Variants in FAT3 observed in about 807,000 individuals in gnomAD.
The protein encoded by FAT3 is FAT atypical cadherin 3, also known as protocadherin Fat 3.
A neutral mutation model predicts 310.2 loss-of-function variants in FAT3; 95 were observed. That is an observed-to-expected ratio of 0.31 (90% CI 0.26 to 0.36). The LOEUF (loss-of-function observed/expected upper bound fraction) is 0.36. FAT3 is among the 10% of genes least tolerant of loss of function. The pLI is 1.00. For synonymous variants in FAT3, 2,314 were observed against 2,192.9 expected, an observed-to-expected ratio of 1.06 and a Z score of -1.54; for missense variants, 5,408 against 5,715.6, an observed-to-expected ratio of 0.95 and a Z score of 1.74.
intron 3 of FAT3, among the ~76,000 whole-genome samples, chr11:92,641,415 A>G (rs895532747): frequency 1.3e-5 from 2 of 152,198 alleles, no homozygotes; most frequent in Non-Finnish European, 2.9e-5. Flanking sequence ...ATTCTCTCAC[A>G]GTCCTGGATG....
At chr11:92,285,556 G>A (rs544062134) in intron 1 of FAT3, among the ~76,000 whole-genome samples, 125 of 152,182 alleles carry the variant, frequency 8.2e-4, no homozygotes, top group African/African-American at 2.8e-3. Flanking sequence ...CTCATTTGAG[G>A]GGCAACACAA....
chr11:92,407,032 T>A (rs1950149939), intron 2 of FAT3, among the ~76,000 whole-genome samples: 1 of 152,224 alleles, frequency 6.6e-6, no homozygotes, highest in African/African-American at 2.4e-5. Flanking sequence ...AGAAAGGGGC[T>A]ATGAGAGGCT....
At chr11:92,317,584 T>C (rs2134479666) in intron 1 of FAT3, among the ~76,000 whole-genome samples, 1 of 152,342 alleles carries the variant, frequency 6.6e-6, no homozygotes, top group African/African-American at 2.4e-5. Context: ...GTGAAGTCTA[T>C]TGCAGGTATC....
chr11:92,258,021 G>T (rs939060839), intron 1 of FAT3, among the ~76,000 whole-genome samples: 1 of 151,950 alleles, frequency 6.6e-6, no homozygotes. Flanking sequence ...TGCACCCCCA[G>T]GTATATCCCA....
intron 2 of FAT3, among the ~76,000 whole-genome samples, chr11:92,514,062 T>A (rs1953395734): frequency 6.6e-6 from 1 of 152,184 alleles, no homozygotes; most frequent in Non-Finnish European, 1.5e-5. Context: ...ATCTCAAATA[T>A]TTAGGACTGA....
At position 92,746,922 on chromosome 11, in the gene FAT3, C is replaced by T. The variant is rs1945688536; in HGVS notation, c.3670-14934C>T. On this transcript the variant is annotated intron_variant, in intron 4 of 27. Transcript: ENST00000525166. ...GCTCCCATGGCCTTGAGTAGCTCCA[C>T]TCCTGTGGCTTTGCAGGGTACAGCC... 2.6e-5 allele frequency among the ~76,000 whole-genome samples: 4 copies of T among 152,352 alleles called. No individual in the cohort carries two copies. In the South Asian group the frequency reaches 8.3e-4, roughly 32 times the overall value.
chr11:92,472,909 G>T (rs1324232540), intron 2 of FAT3, among the ~76,000 whole-genome samples: 1 of 152,106 alleles, frequency 6.6e-6, no homozygotes, highest in Non-Finnish European at 1.5e-5. Context: ...ACTCTTATAG[G>T]CCAGTTTTTG....
At position 92,774,810 on chromosome 11, in the gene FAT3, C is replaced by A. The variant is rs77124409; in HGVS notation, c.4335+630C>A. Among the ~76,000 whole-genome samples the A allele has an allele frequency of 5.8e-3, 890 of 152,210 alleles. 7 individuals carry two copies. Among genetic ancestry groups the A allele is most frequent in the African/African-American group, 0.02 (851 of 41,540 alleles). On this transcript the variant is annotated intron_variant, in intron 7 of 27. Transcript: ENST00000525166. ...ATCCTGTGTGATTCTGACATGCAGC[C>A]AGGGTCGAGGACCGCTCCTTATACT...
At chr11:92,363,514 C>T (rs1249314718) in intron 2 of FAT3, among the ~76,000 whole-genome samples, 29 of 152,138 alleles carry the variant, frequency 1.9e-4, no homozygotes, top group Admixed American at 1.9e-3. Context: ...ACTTCTTTTT[C>T]CCAAACTTGC....
chr11:92,856,772 C>G (rs1315712636), intron 19 of FAT3, among the ~76,000 whole-genome samples: 1 of 151,990 alleles, frequency 6.6e-6, no homozygotes, highest in Admixed American at 6.6e-5. Context: ...AATCAACCTC[C>G]AAGTTCTTGA....
intron 3 of FAT3, among the ~76,000 whole-genome samples, chr11:92,669,800 T>C (rs1022408641): frequency 1.3e-5 from 2 of 152,182 alleles, no homozygotes; most frequent in Non-Finnish European, 2.9e-5. Flanking sequence ...CTGCTGCTCC[T>C]AATCCATAAA....
At chr11:92,344,113 G>T (rs1948346566) in intron 1 of FAT3, among the ~76,000 whole-genome samples, 1 of 152,090 alleles carries the variant, frequency 6.6e-6, no homozygotes, top group South Asian at 2.1e-4. Flanking sequence ...ATGCACCATG[G>T]AACTTCATTT....
In FAT3 at chr11:92,226,575, CA is replaced by C. The variant is rs145297445; in HGVS notation, c.-18+1404del. Among the ~76,000 whole-genome samples the C allele has an allele frequency of 1.0e-3, 158 of 151,922 alleles. 3 individuals carry two copies. In the East Asian group the frequency reaches 0.016, roughly 16 times the overall value. On this transcript the variant is annotated intron_variant, in intron 1 of 27. Coordinates refer to ENST00000525166, the MANE Select transcript of FAT3 (RefSeq NM_001367949.2). ...CTGCAGCTCGCTGGAATAATGGGCT[CA>C]AACCAGGCGGTGGAGAGGGGTCCCC...
chr11:92,718,127 G>C lies in FAT3; in HGVS notation c.3669+20682G>C, dbSNP rs555651733. 3.9e-4 allele frequency among the ~76,000 whole-genome samples: 60 copies of C among 152,174 alleles called. No homozygotes were observed. The South Asian group carries it at 4.6e-3, about 12-fold the overall frequency. ...GAGACCTGGCTTCTCTTCTTATTGT[G>C]CCTATAATCCTGAGACATTGACCAG... On this transcript the variant is annotated intron_variant, in intron 4 of 27. Coordinates refer to ENST00000525166, the MANE Select transcript of FAT3 (RefSeq NM_001367949.2).
At chr11:92,469,217 C>T (rs59961519) in intron 2 of FAT3, among the ~76,000 whole-genome samples, 2,054 of 152,110 alleles carry the variant, frequency 0.014, 43 homozygotes, top group African/African-American at 0.048. Flanking sequence ...CATAAATTAG[C>T]CCTGTTTAAT....
intron 3 of FAT3, among the ~76,000 whole-genome samples, chr11:92,527,868 C>A (rs1953925766): frequency 6.6e-6 from 1 of 152,156 alleles, no homozygotes; most frequent in Non-Finnish European, 1.5e-5. Context: ...TAGACAGAGG[C>A]ATACTAACCA....
intron 2 of FAT3, among the ~76,000 whole-genome samples, chr11:92,402,726 C>T (rs1052868172): frequency 6.1e-5 from 9 of 146,698 alleles, no homozygotes; most frequent in African/African-American, 2.3e-4. Context: ...AGTGAGACCC[C>T]CTCTCAAAAA....
At chr11:92,804,415 T>G (rs1947446212) in intron 10 of FAT3, among the ~76,000 whole-genome samples, 1 of 152,040 alleles carries the variant, frequency 6.6e-6, no homozygotes, top group African/African-American at 2.4e-5. Flanking sequence ...CAAGCTGCTT[T>G]TGCCCCCATG....
chr11:92,491,313 G>T (rs531556723), intron 2 of FAT3, among the ~76,000 whole-genome samples: 19 of 152,052 alleles, frequency 1.2e-4, no homozygotes, highest in South Asian at 1.0e-3. Flanking sequence ...GGTACTATGG[G>T]TATCTAATGG....
Sources: allele counts gnomAD v4.1 joint callset (sites outside exome capture counted in the v4.1 genomes callset), GRCh38; gene constraint gnomAD v4.1.1; transcripts MANE v1.5; gene names NCBI Gene and HGNC (gene_info 2026-07-23, HGNC 2026-07-21).